Variants in SLC13A3 observed in about 807,000 individuals in gnomAD.
SLC13A3 encodes the protein solute carrier family 13 member 3, also known as Na(+)/dicarboxylate cotransporter 3.
Under a neutral mutation model 59.0 loss-of-function variants are expected in SLC13A3, and 40 were observed. The observed-to-expected ratio is 0.68, with a 90% CI of 0.53 to 0.88. SLC13A3 has a LOEUF of 0.88. Among genes scored for constraint, SLC13A3 ranks in the 40% least tolerant of loss-of-function variants. The pLI, the probability that SLC13A3 is intolerant of heterozygous loss-of-function variation, is 0.00. For missense variants in SLC13A3, 699 were observed against 783.2 expected (o/e 0.89, Z 1.28); for synonymous variants, 317 against 330.3 (o/e 0.96, Z 0.44).
chr20:46,680,313 T>C (rs1041638005), intron 1 of SLC13A3, among the ~76,000 whole-genome samples: 2 of 152,210 alleles, frequency 1.3e-5, no homozygotes, highest in African/African-American at 4.8e-5. Flanking sequence ...TGTTTGCTGT[T>C]CTCTAAAAAT....
At chr20:46,681,252 G>A (rs909550340) in intron 1 of SLC13A3, among the ~76,000 whole-genome samples, 9 of 152,184 alleles carry the variant, frequency 5.9e-5, no homozygotes, top group South Asian at 2.1e-4. Context: ...ACATCCTCAC[G>A]TCCGTCTCCC....
intron 11 of SLC13A3, among the ~76,000 whole-genome samples, chr20:46,563,758 G>A (rs929904953): frequency 6.6e-6 from 1 of 152,188 alleles, no homozygotes; most frequent in African/African-American, 2.4e-5. Flanking sequence ...GAGAGAGAAA[G>A]GCAGTCAGAA....
chr20:46,591,982 G>A (rs1214869553), intron 6 of SLC13A3, among the ~76,000 whole-genome samples: 1 of 151,986 alleles, frequency 6.6e-6, no homozygotes, highest in African/African-American at 2.4e-5. Context: ...AAGACAAGAA[G>A]GATCACTTGA....
intron 12 of SLC13A3, 78 bp from the exon 13 acceptor site, chr20:46,560,276 G>A (rs2061919950): frequency 7.1e-7 from 1 of 1,401,736 alleles, no homozygotes; most frequent in Non-Finnish European, 1.0e-6. Flanking sequence ...CTCAGAGACA[G>A]GAAGTCACTC....
intron 1 of SLC13A3, among the ~76,000 whole-genome samples, chr20:46,676,374 C>T (rs2063125420): frequency 6.7e-6 from 1 of 149,872 alleles, no homozygotes; most frequent in African/African-American, 2.5e-5. Flanking sequence ...CCCTCCAAAT[C>T]ACTGCCCCTT....
intron 1 of SLC13A3, among the ~76,000 whole-genome samples, chr20:46,676,411 CTTTT>C (rs543970617): frequency 2.8e-5 from 3 of 108,480 alleles, no homozygotes; most frequent in Admixed American, 1.9e-4. Context: ...TCTCTCAACT[CTTTT>C]TTTTTTTTTT....
At chr20:46,683,093 A>G (rs1382688638) in intron 1 of SLC13A3, among the ~76,000 whole-genome samples, 2 of 152,172 alleles carry the variant, frequency 1.3e-5, no homozygotes, top group Non-Finnish European at 2.9e-5. Flanking sequence ...TGATACTTGC[A>G]AAGATCATTA....
chr20:46,642,728 C>T (rs890664049), intron 1 of SLC13A3, among the ~76,000 whole-genome samples: 12 of 152,324 alleles, frequency 7.9e-5, no homozygotes, highest in Admixed American at 1.3e-4. Flanking sequence ...CAGAGCTTTA[C>T]GGTGAGTCAC....
rs754901931 is a variant in SLC13A3, at chr20:46,566,255, T to C, written c.1468A>G (p.Ile490Val). 15 of 1,613,334 alleles carry C rather than the reference T, an allele frequency of 9.3e-6. No homozygotes were observed. The highest frequency in any genetic ancestry group is 1.3e-5 in the Non-Finnish European group (15 of 1,179,634). ...AGCTCTGCCAGGACCGGCAGGAAGA[T>C]GATGATGGTCGCCGTGTTGCTGGCA... ...EFASNTATII[I>V]FLPVLAELAI... The change falls in exon 11 of 13, where the codon ATC becomes GTC. Residue 490 changes from isoleucine (I) to valine (V), a missense_variant. Coordinates refer to ENST00000279027, the MANE Select transcript of SLC13A3 (RefSeq NM_022829.6).
At chr20:46,569,040 G>C (rs893326100) in intron 10 of SLC13A3, among the ~76,000 whole-genome samples, 2 of 152,182 alleles carry the variant, frequency 1.3e-5, no homozygotes, top group Non-Finnish European at 2.9e-5. Flanking sequence ...CTGGAGTGCA[G>C]TGACACAATT....
At chr20:46,608,433 T>C (rs1462710541) in intron 3 of SLC13A3, among the ~76,000 whole-genome samples, 1 of 152,220 alleles carries the variant, frequency 6.6e-6, no homozygotes, top group African/African-American at 2.4e-5. Context: ...ATTTGGTCAT[T>C]TATAGACAAA....
chr20:46,570,535 A>T (rs1716161161), intron 10 of SLC13A3, among the ~76,000 whole-genome samples: 1 of 152,252 alleles, frequency 6.6e-6, no homozygotes, highest in Non-Finnish European at 1.5e-5. Flanking sequence ...ATCATCTGGC[A>T]ATGCTATACA....
At chr20:46,636,959 C>G (rs190448491) in intron 1 of SLC13A3, among the ~76,000 whole-genome samples, 1 of 152,082 alleles carries the variant, frequency 6.6e-6, no homozygotes, top group East Asian at 1.9e-4. Flanking sequence ...CACCACCACG[C>G]CTGGCTAATT....
At chr20:46,671,980 A>G (rs2063095351), upstream of SLC13A3, among the ~76,000 whole-genome samples, 1 of 152,188 alleles carries the variant, frequency 6.6e-6, no homozygotes, top group Non-Finnish European at 1.5e-5. Flanking sequence ...AATCTGATAC[A>G]CCTGTCCCAC....
In SLC13A3 at chr20:46,664,610, A is replaced by G. The variant is rs116612641; in HGVS notation, c.-31+5433T>C. 5.1e-3 allele frequency among the ~76,000 whole-genome samples: 775 copies of G among 152,310 alleles called. 6 individuals are homozygous for G. The highest frequency in any genetic ancestry group is 0.018 in the African/African-American group (742 of 41,562). ...TAAATGATGGCAGGTGCAAATAATAAATAAATGAGTAAAATGTATTATAAT... is the reference window on the plus strand; with the variant it reads ...TAAATGATGGCAGGTGCAAATAATAGATAAATGAGTAAAATGTATTATAAT... On this transcript the variant is annotated intron_variant, in intron 1 of 12. Coordinates refer to the SLC13A3 transcript ENST00000290317.
At chr20:46,564,995 TG>T (rs1407309176) in intron 11 of SLC13A3, among the ~76,000 whole-genome samples, 1 of 152,222 alleles carries the variant, frequency 6.6e-6, no homozygotes, top group African/African-American at 2.4e-5. Context: ...GTATGTGTGC[TG>T]GGGCATCACT....
At chr20:46,563,674 C>G in intron 11 of SLC13A3, 123 bp from the exon 12 acceptor site, 1 of 1,043,170 alleles carries the variant, frequency 9.6e-7, no homozygotes, top group Non-Finnish European at 1.4e-6. Context: ...GACAGAGAGA[C>G]AAAGACATCC....
At chr20:46,680,713 T>C (rs1464053560) in intron 1 of SLC13A3, among the ~76,000 whole-genome samples, 1 of 152,248 alleles carries the variant, frequency 6.6e-6, no homozygotes, top group African/African-American at 2.4e-5. Flanking sequence ...CTGAAGCTGC[T>C]GCTGGGTCTC....
At chr20:46,586,248 C>T (rs1037018079) in intron 8 of SLC13A3, among the ~76,000 whole-genome samples, 7 of 152,130 alleles carry the variant, frequency 4.6e-5, no homozygotes, top group Non-Finnish European at 8.8e-5. Flanking sequence ...TCTATTTAAT[C>T]ATGTTCCCAC....
Sources: gnomAD v4.1 joint callset for allele counts (sites outside exome capture counted in the v4.1 genomes callset) on GRCh38, gnomAD v4.1.1 for gene constraint, MANE v1.5 for transcripts, NCBI Gene and HGNC (gene_info 2026-07-23, HGNC 2026-07-21) for gene names.